PCDHGA3: variants seen among roughly 807,000 people sequenced by gnomAD.
PCDHGA3 encodes the protein protocadherin gamma subfamily A, 3, also known as protocadherin gamma-A3.
Under a neutral mutation model 58.5 loss-of-function variants are expected in PCDHGA3, and 40 were observed. That is an observed-to-expected ratio of 0.68 (90% CI 0.53 to 0.89). The LOEUF (loss-of-function observed/expected upper bound fraction) is 0.89. Ranked by LOEUF, PCDHGA3 falls within the 40% of genes least tolerant of loss-of-function variation. The pLI is 0.00. For synonymous variants in PCDHGA3, 530 were observed against 525.7 expected (o/e 1.01, Z -0.11); for missense variants, 1,223 against 1,195.9 (o/e 1.02, Z -0.33).
At chr5:141,366,743 C>G (rs561614642) in intron 1 of PCDHGA3, 2 of 1,611,598 alleles carry the variant, frequency 1.2e-6, no homozygotes, top group East Asian at 4.5e-5. Flanking sequence ...AGAAGAACGG[C>G]GAGTTCAGGT....
intron 1 of PCDHGA3, chr5:141,429,169 T>TACAC (rs10667977): frequency 0.077 from 11,199 of 145,388 alleles, 458 homozygotes; most frequent in African/African-American, 0.081. Flanking sequence ...ACATTGTTTA[T>TACAC]ACACACACAC....
At chr5:141,375,026 T>C in intron 1 of PCDHGA3, 2 of 1,614,030 alleles carry the variant, frequency 1.2e-6, no homozygotes, top group Non-Finnish European at 1.7e-6. Context: ...CTCGAGTTTT[T>C]ATGAGCTGGG....
Position 141,432,110 on chromosome 5 carries a change from G to A in PCDHGA3, c.2425-62697G>A. On this transcript the variant is annotated intron_variant, in intron 1 of 3. Coordinates refer to ENST00000253812, the MANE Select transcript of PCDHGA3 (RefSeq NM_018916.4). This position sits in a 1 kb window ranked among gnomAD's most constrained non-coding sequence, Gnocchi z 6.0. ...GGCAGACACCAACGACAACCCGCCG[G>A]TCTTCCCTCAGGCCTCCTATTCCGC... 6.2e-7 allele frequency: 1 copy of A among 1,614,108 alleles called. No individual in the cohort carries two copies. Among genetic ancestry groups the A allele is most frequent in the Non-Finnish European group, 8.5e-7 (1 of 1,180,036 alleles).
At chr5:141,357,232 C>A (rs753504558) in intron 1 of PCDHGA3, 1 of 1,613,846 alleles carries the variant, frequency 6.2e-7, no homozygotes, top group East Asian at 2.2e-5. Context: ...CTTGGGCAGC[C>A]TCAAGCCTTC....
chr5:141,360,300 G>A (rs746090550), intron 1 of PCDHGA3: 3 of 1,613,860 alleles, frequency 1.9e-6, no homozygotes, highest in East Asian at 2.2e-5. Flanking sequence ...AGGATCTGGG[G>A]CTCAGCGTCC....
At chr5:141,468,802 C>G (rs928501013) in intron 1 of PCDHGA3, among the ~76,000 whole-genome samples, 1 of 151,620 alleles carries the variant, frequency 6.6e-6, no homozygotes, top group African/African-American at 2.4e-5. Context: ...GGAGGCGGAA[C>G]TTGCAGTGAG....
intron 1 of PCDHGA3, chr5:141,414,983 G>C: frequency 6.2e-7 from 1 of 1,613,716 alleles, no homozygotes; most frequent in Non-Finnish European, 8.5e-7. Context: ...AGAGACTCCG[G>C]CCAGAACGCC....
rs192747939 is a variant in PCDHGA3 at position 141,487,483 on chromosome 5, T to C, written c.2425-7324T>C. 12 of 1,614,224 alleles carry C rather than the reference T, an allele frequency of 7.4e-6. No individual in the cohort carries two copies. In the Admixed American group the frequency reaches 1.8e-4, roughly 25 times the overall value. On this transcript the variant is annotated intron_variant, in intron 1 of 3. Coordinates refer to ENST00000253812, the MANE Select transcript of PCDHGA3 (RefSeq NM_018916.4). This position sits in a 1 kb window ranked among gnomAD's most constrained non-coding sequence, Gnocchi z 5.0. ...TTGTTGATGTGGGAGGCCACTCTCA[T>C]GGCTGTACACCCTTGGCTTCTGCAC... is the stretch of plus-strand genomic sequence containing the variant.
intron 1 of PCDHGA3, chr5:141,374,825 C>A (rs11575953): frequency 0.017 from 27,610 of 1,613,884 alleles, 291 homozygotes; most frequent in African/African-American, 0.03. Context: ...GCCTGTCTAC[C>A]GTGTAAGTGT....
At chr5:141,372,216 A>G (rs1768504235) in intron 1 of PCDHGA3, 8 of 1,613,520 alleles carry the variant, frequency 5.0e-6, no homozygotes, top group Non-Finnish European at 5.1e-6. Flanking sequence ...GTCCTACCAC[A>G]TTGTGCAGGC....
At chr5:141,355,221 C>G (rs756437082) in intron 1 of PCDHGA3, 1 of 1,608,638 alleles carries the variant, frequency 6.2e-7, no homozygotes, top group Non-Finnish European at 8.5e-7. Context: ...CTCCTGCTCG[C>G]CCAGACCACA....
intron 1 of PCDHGA3, chr5:141,382,864 C>G (rs775003646): frequency 1.3e-6 from 2 of 1,516,562 alleles, no homozygotes; most frequent in Non-Finnish European, 8.8e-7. Context: ...AAGCACTTCC[C>G]GAGATCGGCG....
intron 1 of PCDHGA3, chr5:141,405,642 T>C (rs2094697537): frequency 1.9e-6 from 1 of 528,606 alleles, no homozygotes; most frequent in Non-Finnish European, 3.3e-6. Flanking sequence ...GCCCGGCTAA[T>C]TTTTTGTGTG....
At chr5:141,488,031 A>G (rs1475176300) in intron 1 of PCDHGA3, among the ~76,000 whole-genome samples, 1 of 152,122 alleles carries the variant, frequency 6.6e-6, no homozygotes, top group Non-Finnish European at 1.5e-5. Context: ...CTAGGTTACC[A>G]TTTCCCAAGG....
rs753256077 is a variant in PCDHGA3 at position 141,431,467 on chromosome 5, C to A, written c.2425-63340C>A. On this transcript the variant is annotated intron_variant, in intron 1 of 3. Coordinates refer to ENST00000253812, the MANE Select transcript of PCDHGA3 (RefSeq NM_018916.4). The surrounding 1 kb of genome is among the most constrained non-coding windows in gnomAD (Gnocchi z 4.8). The stretch of plus-strand genomic sequence containing the variant: ...TCCGCGTGATGGTTCTGGATGCGAA[C>A]GACAACGCACCAGCGTTTGCTCAGC... 1.9e-5 allele frequency: 31 copies of A among 1,613,684 alleles called. No homozygotes were observed. The highest frequency in any genetic ancestry group is 3.4e-6 in the Non-Finnish European group (4 of 1,179,964).
rs183952562 is a variant in PCDHGA3 at position 141,423,399 on chromosome 5, C to A, written c.2425-71408C>A. On this transcript the variant is annotated intron_variant, in intron 1 of 3. Transcript: ENST00000253812. ...GGCTGTGGCGCTGGCATAAGTCACG[C>A]CTGCTGCAGGCTTCTGAAGGCGGGT... 3.5e-5 allele frequency: 56 copies of A among 1,614,150 alleles called. No homozygotes were observed. The East Asian group carries it at 1.1e-3, about 33-fold the overall frequency.
In PCDHGA3 at chr5:141,366,239, G is replaced by C. The variant is rs765141853; in HGVS notation, c.2424+19782G>C. On this transcript the variant is annotated intron_variant, in intron 1 of 3. Coordinates refer to ENST00000253812, the MANE Select transcript of PCDHGA3 (RefSeq NM_018916.4). ...AGCGCGAGCCCTGCTGGACAGAGAC[G>C]CGCTCAAGCAGAGCCTCGTGGTGGC... 6 of 1,613,776 alleles carry C rather than the reference G, an allele frequency of 3.7e-6. No individual in the cohort carries two copies. The Admixed American group carries it at 8.3e-5, about 22-fold the overall frequency.
At chr5:141,408,775 C>T (rs780901987) in intron 1 of PCDHGA3, 7 of 1,611,568 alleles carry the variant, frequency 4.3e-6, no homozygotes, top group Non-Finnish European at 5.9e-6. Context: ...GTGGCAAATA[C>T]CCAGAGTTAT....
At chr5:141,351,082 CACCTATGCCT>C (rs1561499297) in intron 1 of PCDHGA3, 12 of 1,614,062 alleles carry the variant, frequency 7.4e-6, no homozygotes, top group Non-Finnish European at 9.3e-6. Flanking sequence ...ATGCAGAGAT[CACCTATGCCT>C]TCCTCAATTC....
Sources: gnomAD v4.1 joint callset for allele counts (sites outside exome capture counted in the v4.1 genomes callset) on GRCh38, gnomAD v4.1.1 for gene constraint, Gnocchi (gnomAD v3.1) non-coding constraint, MANE v1.5 for transcripts, NCBI Gene and HGNC (gene_info 2026-07-23, HGNC 2026-07-21) for gene names.